Variants in PAPOLA observed in about 807,000 individuals in gnomAD.
PAPOLA encodes poly(A) polymerase alpha.
A neutral mutation model predicts 100.6 loss-of-function variants in PAPOLA; 15 were observed. That is an observed-to-expected ratio of 0.15 (90% CI 0.10 to 0.23). The LOEUF (loss-of-function observed/expected upper bound fraction) is 0.23, where lower values mean the gene tolerates loss of function less well. Ranked by LOEUF, PAPOLA falls within the 10% of genes least tolerant of loss-of-function variation. The pLI is 1.00. For synonymous variants in PAPOLA, 293 were observed against 300.0 expected, an observed-to-expected ratio of 0.98 and a Z score of 0.24; for missense variants, 533 against 884.2, an observed-to-expected ratio of 0.60 and a Z score of 5.04.
At chr14:96,535,648 A>G (rs1411731230) in intron 10 of PAPOLA, 9 of 1,005,276 alleles carry the variant, frequency 9.0e-6, no homozygotes, top group Non-Finnish European at 1.0e-5. Context: ...CACACTTTCT[A>G]GTAAGGTTGC....
chr14:96,542,690 T>C, intron 13 of PAPOLA, 84 bp from the exon 14 acceptor site: 1 of 1,307,132 alleles, frequency 7.7e-7, no homozygotes, highest in Non-Finnish European at 1.0e-6. Context: ...TTCAGCTAGT[T>C]GAAATGCCCT....
intron 3 of PAPOLA, among the ~76,000 whole-genome samples, chr14:96,524,540 T>A (rs1260437763): frequency 1.3e-5 from 2 of 152,062 alleles, no homozygotes; most frequent in Non-Finnish European, 2.9e-5. Flanking sequence ...TTCTCTTTTT[T>A]TGAGACAGGG....
At chr14:96,544,983 T>C (rs1020069897) in intron 15 of PAPOLA, among the ~76,000 whole-genome samples, 3 of 152,068 alleles carry the variant, frequency 2.0e-5, no homozygotes, top group Non-Finnish European at 4.4e-5. Context: ...AATGAGTCTA[T>C]ATGTAGCTGC....
At chr14:96,539,274 C>T (rs1319638387) in intron 12 of PAPOLA, among the ~76,000 whole-genome samples, 1 of 152,004 alleles carries the variant, frequency 6.6e-6, no homozygotes, top group Non-Finnish European at 1.5e-5. Flanking sequence ...ATACAGTAAC[C>T]TTAAATTTGT....
In PAPOLA at chr14:96,553,164, A is replaced by G. The variant is rs117260803; in HGVS notation, c.1664+542A>G. ...GGATTTAAGCGATCCTCCTACTTCAACCTTCTGAGTAGCTGAGACTACAGG... is the reference window on the plus strand; with the variant it reads ...GGATTTAAGCGATCCTCCTACTTCAGCCTTCTGAGTAGCTGAGACTACAGG... On this transcript the variant is annotated intron_variant, in intron 17 of 21. Coordinates refer to ENST00000216277, the MANE Select transcript of PAPOLA (RefSeq NM_032632.5). The G allele has an allele frequency of 9.7e-3, 1,478 of 152,518 alleles. 15 individuals are homozygous for G. Among genetic ancestry groups the G allele is most frequent in the Non-Finnish European group, 0.016 (1,089 of 68,298 alleles). The allele number at this position is 152,518 out of a possible 1,614,324, so 9.4% of individuals were successfully genotyped here.
chr14:96,561,729 A>G (rs1018537867), intron 20 of PAPOLA, among the ~76,000 whole-genome samples: 2 of 152,174 alleles, frequency 1.3e-5, no homozygotes, highest in African/African-American at 4.8e-5. Flanking sequence ...AGTTTGGTAT[A>G]CATCACCAAG....
At chr14:96,560,408 T>C (rs1474913683) in intron 19 of PAPOLA, 1 of 382,732 alleles carries the variant, frequency 2.6e-6, no homozygotes, top group Non-Finnish European at 4.6e-6. Context: ...GGAAATGTAC[T>C]TTAGGTGGTG....
intron 6 of PAPOLA, among the ~76,000 whole-genome samples, chr14:96,528,959 G>T (rs1898748078): frequency 6.6e-6 from 1 of 152,102 alleles, no homozygotes; most frequent in South Asian, 2.1e-4. Context: ...ATAAGTTGAG[G>T]CCTCATTTTC....
At chr14:96,522,126 T>C (rs1197940895) in intron 3 of PAPOLA, among the ~76,000 whole-genome samples, 11 of 134,940 alleles carry the variant, frequency 8.2e-5, no homozygotes, top group African/African-American at 2.7e-4. Context: ...CTTTTTTTTT[T>C]TTTTTTTTTT....
At chr14:96,532,265 T>C in intron 7 of PAPOLA, 66 bp from the exon 8 acceptor site, 1 of 1,495,608 alleles carries the variant, frequency 6.7e-7, no homozygotes, top group Non-Finnish European at 8.9e-7. Flanking sequence ...AATGTTGTTT[T>C]TTTTTGTTTT....
At chr14:96,558,985 C>T (rs974243456) in intron 19 of PAPOLA, among the ~76,000 whole-genome samples, 1 of 151,214 alleles carries the variant, frequency 6.6e-6, no homozygotes, top group African/African-American at 2.4e-5. Context: ...TATAGATTCC[C>T]TCCTCCATCC....
rs576185105 is a variant in PAPOLA at position 96,543,484 on chromosome 14, T to TA, written c.1289+597dup. Among the ~76,000 whole-genome samples, 33 of 152,162 alleles carry TA rather than the reference T, an allele frequency of 2.2e-4. No individual in the cohort carries two copies. The South Asian group carries it at 3.1e-3, about 14-fold the overall frequency. On this transcript the variant is annotated intron_variant, in intron 14 of 21. Transcript: ENST00000216277. ...GAGAGTACTAGTAATGAGCTTATTT[T>TA]AAAAAATAAAGCAGCATTAAAACAA...
rs746957104 is a variant in PAPOLA, at chr14:96,562,885, G to A, written c.2134G>A (p.Ala712Thr). ...TATTCAGACAGCGGCTTCTCTGTTG[G>A]CCTCTCAGGTACTAAGTGCAAAAAG... ...ETIQTAASLL[A>T]SQKTSSTDLS... The change falls in exon 21 of 22, where the codon GCC becomes ACC. Residue 712 changes from alanine (A) to threonine (T), a missense_variant. Around this residue, in one of 9 missense-constraint regions of PAPOLA, gnomAD observed 242 missense variants for 281.0 expected, o/e 0.86. Transcript: ENST00000216277. The A allele has an allele frequency of 6.2e-7, 1 of 1,607,188 alleles. No homozygotes were observed. The highest frequency in any genetic ancestry group is 2.2e-5 in the East Asian group (1 of 44,786).
chr14:96,547,999 C>G, intron 16 of PAPOLA, 81 bp downstream of exon 16: 1 of 1,217,792 alleles, frequency 8.2e-7, no homozygotes, highest in Non-Finnish European at 1.1e-6. Context: ...AGAATTTAGG[C>G]TCAGTTAATA....
rs760849346 is a variant in PAPOLA, at chr14:96,566,550, A to G, written c.*1500A>G. ...CTGCAATTACTTAATCTCTTCCCCT[A>G]TCCTTCTAAATTAATTTTCTGAAGT... On this transcript the variant is annotated 3_prime_UTR_variant, in exon 22 of 22. Transcript: ENST00000216277. The G allele has an allele frequency of 5.9e-5, 9 of 152,528 alleles. No individual in the cohort carries two copies. Among genetic ancestry groups the G allele is most frequent in the East Asian group, 1.9e-4 (1 of 5,198 alleles). The allele number at this position is 152,528 out of a possible 1,614,324, so 9.4% of individuals were successfully genotyped here.
intron 21 of PAPOLA, among the ~76,000 whole-genome samples, chr14:96,563,227 T>G (rs1307383007): frequency 6.6e-6 from 1 of 152,206 alleles, no homozygotes; most frequent in African/African-American, 2.4e-5. Context: ...AGGAATGAAC[T>G]AAAAAACATT....
intron 1 of PAPOLA, among the ~76,000 whole-genome samples, chr14:96,506,838 T>G (rs901769615): frequency 6.6e-6 from 1 of 152,242 alleles, no homozygotes; most frequent in African/African-American, 2.4e-5. Flanking sequence ...CAGATTTTAA[T>G]GCAACAGAGT....
Position 96,532,305 on chromosome 14 carries a change from TG to T in PAPOLA, c.608-25del, listed in dbSNP as rs67815419. On this transcript the variant is annotated intron_variant, in intron 7 of 21. Transcript: ENST00000216277. ...TGTTTTGTGTGTGTGTGTGTGTGTG[TG>T]TTTTTTTTTACCCCTATTAATTAGG... 551 of 1,549,562 alleles carry T rather than the reference TG, an allele frequency of 3.6e-4. 2 individuals carry two copies. The highest frequency in any genetic ancestry group is 1.9e-3 in the South Asian group (158 of 83,292).
At chr14:96,528,372 T>G (rs1459999835) in intron 6 of PAPOLA, among the ~76,000 whole-genome samples, 5 of 152,224 alleles carry the variant, frequency 3.3e-5, no homozygotes, top group African/African-American at 1.2e-4. Context: ...ATTTAAAAAT[T>G]GGGAGAAAAG....
Sources: allele counts gnomAD v4.1 joint callset (sites outside exome capture counted in the v4.1 genomes callset), GRCh38; gene constraint gnomAD v4.1.1; regional missense constraint gnomAD v4.1.1; transcripts MANE v1.5; gene names NCBI Gene and HGNC (gene_info 2026-07-23, HGNC 2026-07-21).